MRPS2: variants seen among roughly 807,000 people sequenced by gnomAD.
MRPS2 encodes mitochondrial ribosomal protein S2.
In MRPS2, 13 loss-of-function variants were observed where a neutral mutation model predicts 18.9. The observed-to-expected ratio is 0.69, with a 90% confidence interval of 0.45 to 1.09. The LOEUF is 1.09. Among genes scored for constraint, MRPS2 ranks in the 50% least tolerant of loss-of-function variants. The pLI is 0.00. For missense variants in MRPS2, 389 were observed against 421.7 expected, an observed-to-expected ratio of 0.92 and a Z score of 0.68; for synonymous variants, 186 against 178.4, an observed-to-expected ratio of 1.04 and a Z score of -0.34.
chr9:135,500,207 A>G (rs978976395), upstream of MRPS2: 25 of 326,786 alleles, frequency 7.7e-5, no homozygotes, highest in Non-Finnish European at 1.1e-4. Context: ...GCAGGCAACG[A>G]TTGGACTTTT....
At position 135,501,969 on chromosome 9, in the gene MRPS2, C is replaced by A; in HGVS notation, c.295C>A (p.His99Asn). 6.2e-7 allele frequency: 1 copy of A among 1,613,398 alleles called. No homozygotes were observed. Among genetic ancestry groups the A allele is most frequent in the Non-Finnish European group, 8.5e-7 (1 of 1,179,960 alleles). Residue 99 changes from histidine to asparagine, a missense_variant, in exon 3 of 4, where the codon CAC becomes AAC. By Grantham distance (68) the His-to-Asn change is moderately conservative. Transcript: ENST00000241600. The stretch of plus-strand genomic sequence containing the variant: ...TCTGGGACACAAAGCTGGCTGTCGG[C>A]ACAGGTAGGTGACACCCCCATCTGA... The part of the protein sequence containing the change: ...VHLGHKAGCR[H>N]RFMEPYIFGS...
At chr9:135,501,575 C>A in intron 2 of MRPS2, 1 of 1,131,022 alleles carries the variant, frequency 8.8e-7, no homozygotes, top group Non-Finnish European at 1.1e-6. Flanking sequence ...TTTTTCTCCT[C>A]TGTCTTCCAA....
At position 135,500,718 on chromosome 9, in the gene MRPS2, C is replaced by T; in HGVS notation, c.8C>T (p.Thr3Ile). 2 of 1,479,688 alleles carry T rather than the reference C, an allele frequency of 1.4e-6. No individual in the cohort carries two copies. The highest frequency in any genetic ancestry group is 1.8e-6 in the Non-Finnish European group (2 of 1,121,266). The allele number at this position is 1,479,688 out of a possible 1,614,324, so 91.7% of individuals were successfully genotyped here. A position where few individuals can be genotyped will look rare whatever the true frequency, so the allele number is the denominator to read the frequency against. Reference sequence around the variant, plus strand: ...CTGCCCCGCGTCCCAGCCATGGCGACATCCTCGGCCGCGCTGCCCCGAATA... The same window carrying T: ...CTGCCCCGCGTCCCAGCCATGGCGATATCCTCGGCCGCGCTGCCCCGAATA... MATSSAALPRILG... is the reference protein window; with the variant it reads MAISSAALPRILG... Residue 3 changes from threonine to isoleucine, a missense_variant, in exon 1 of 4, where the codon ACA becomes ATA. Thr to Ile is a moderately conservative substitution (Grantham distance 89, BLOSUM62 -1). Transcript: ENST00000241600.
Position 135,501,990 on chromosome 9 carries a change from T to C in MRPS2, c.299+17T>C. On this transcript the variant is annotated intron_variant, in intron 3 of 3. Transcript: ENST00000241600. ...TCGGCACAGGTAGGTGACACCCCCA[T>C]CTGAGCCCGGGGCGGTTCCCAGGAG... The C allele has an allele frequency of 6.2e-7, 1 of 1,613,010 alleles. No homozygotes were observed. The highest frequency in any genetic ancestry group is 1.3e-5 in the African/African-American group (1 of 75,042).
chr9:135,501,648 C>T lies in MRPS2; in HGVS notation c.170-196C>T, dbSNP rs1307630432. ...GCTTACCCAGGAGCAAGGTCGGGAT[C>T]AGAACCTGGCTCCAGCCCTCTGTTT... On this transcript the variant is annotated intron_variant, in intron 2 of 3. Coordinates refer to ENST00000241600, the MANE Select transcript of MRPS2 (RefSeq NM_016034.5). 2.1e-6 allele frequency: 3 copies of T among 1,402,148 alleles called. No individual in the cohort carries two copies. In the African/African-American group the frequency reaches 4.4e-5, roughly 20 times the overall value. 86.9% of individuals were successfully genotyped at this position (1,402,148 alleles called of 1,614,324 possible).
At chr9:135,502,153 GA>G in intron 3 of MRPS2, 180 bp downstream of exon 3, 2 of 1,406,988 alleles carry the variant, frequency 1.4e-6, no homozygotes, top group Non-Finnish European at 1.9e-6. Context: ...CAGCTTGGCG[GA>G]CGCTCTTGTG....
At chr9:135,501,687 C>G (rs967543425) in intron 2 of MRPS2, 157 bp from the exon 3 acceptor site, 4 of 1,451,428 alleles carry the variant, frequency 2.8e-6, no homozygotes, top group Non-Finnish European at 3.6e-6. Flanking sequence ...GAAAAGGTCC[C>G]TGTGCTTCCA....
Position 135,503,539 on chromosome 9 carries a change from C to G in MRPS2, c.300-3C>G. On this transcript the variant is annotated splice_region_variant and splice_polypyrimidine_tract_variant and intron_variant, in intron 3 of 3. Coordinates refer to ENST00000241600, the MANE Select transcript of MRPS2 (RefSeq NM_016034.5). Reference sequence around the variant, plus strand: ...CCCCTTGCCTTGGTGGGGTCTCTGGCAGGTTTATGGAGCCGTACATCTTTG... The same window carrying G: ...CCCCTTGCCTTGGTGGGGTCTCTGGGAGGTTTATGGAGCCGTACATCTTTG... The G allele has an allele frequency of 1.2e-6, 2 of 1,610,212 alleles. No homozygotes were observed. The highest frequency in any genetic ancestry group is 1.7e-6 in the Non-Finnish European group (2 of 1,177,708).
At position 135,503,769 on chromosome 9, in the gene MRPS2, T is replaced by C. The variant is rs1268307637; in HGVS notation, c.527T>C (p.Leu176Pro). The C allele has an allele frequency of 1.2e-6, 2 of 1,612,904 alleles. No individual in the cohort carries two copies. Among genetic ancestry groups the C allele is most frequent in the Admixed American group, 3.3e-5 (2 of 60,024 alleles). ...AHTRYFRGGM[L>P]TNARLLFGPT... Reference sequence around the variant, plus strand: ...ACTCGCTACTTCAGGGGCGGCATGCTGACCAACGCGCGCCTCCTCTTTGGC... The same window carrying C: ...ACTCGCTACTTCAGGGGCGGCATGCCGACCAACGCGCGCCTCCTCTTTGGC... Residue 176 changes from leucine (L) to proline (P), a missense_variant, in exon 4 of 4, where the codon CTG becomes CCG. Physicochemically the swap from Leu to Pro is moderately conservative, Grantham distance 98. Coordinates refer to ENST00000241600, the MANE Select transcript of MRPS2 (RefSeq NM_016034.5).
rs55725653 is a variant in MRPS2 at position 135,503,248 on chromosome 9, G to A, written c.300-294G>A. On this transcript the variant is annotated intron_variant, in intron 3 of 3. Transcript: ENST00000241600. Reference sequence around the variant, plus strand: ...GCACGGGGCAGAATGTCCTTTTGGCGTCATGTTGGATGTCCACACATCCAT... The same window carrying A: ...GCACGGGGCAGAATGTCCTTTTGGCATCATGTTGGATGTCCACACATCCAT... 5.1e-3 allele frequency: 6,336 copies of A among 1,253,782 alleles called. 224 individuals are homozygous for A. In the African/African-American group the frequency reaches 0.079, roughly 16 times the overall value. 77.7% of individuals were successfully genotyped at this position (1,253,782 alleles called of 1,614,324 possible). A position where few individuals can be genotyped will look rare whatever the true frequency, so the allele number is the denominator to read the frequency against.
At chr9:135,501,557 C>T in intron 2 of MRPS2, 2 of 1,003,364 alleles carry the variant, frequency 2.0e-6, no homozygotes, top group Non-Finnish European at 2.6e-6. Context: ...ACCCGCTGGG[C>T]CCCTCTCTTT....
At chr9:135,503,472 T>C in intron 3 of MRPS2, 70 bp from the exon 4 acceptor site, 3 of 1,494,652 alleles carry the variant, frequency 2.0e-6, no homozygotes, top group Non-Finnish European at 2.7e-6. Flanking sequence ...GCGTCTGTGT[T>C]CCTGCAAGGA....
intron 2 of MRPS2, chr9:135,501,487 G>A (rs1217737748): frequency 3.6e-6 from 3 of 829,848 alleles, no homozygotes; most frequent in Non-Finnish European, 4.8e-6. Context: ...CTCCTGATGG[G>A]GACTTTCTGG....
intron 1 of MRPS2, 40 bp from the exon 2 acceptor site, chr9:135,500,958 T>G: frequency 6.2e-7 from 1 of 1,605,872 alleles, no homozygotes; most frequent in Non-Finnish European, 8.5e-7. Context: ...CGTGGTGCAT[T>G]CGGGACTCGG....
intron 1 of MRPS2, 25 bp downstream of exon 1, chr9:135,500,778 G>A (rs1831092974): frequency 2.7e-6 from 4 of 1,486,252 alleles, no homozygotes; most frequent in South Asian, 2.7e-5. Flanking sequence ...GCGGGACCCT[G>A]GGGAGGAGCA....
rs763195776 is a variant in MRPS2, at chr9:135,503,836, G to C, written c.594G>C (p.Thr198=). The change falls in exon 4 of 4, where the codon ACG becomes ACC. Residue 198 remains threonine (T), a synonymous_variant. Coordinates refer to ENST00000241600, the MANE Select transcript of MRPS2 (RefSeq NM_016034.5). ...CGGACCTCATCATCTTCCTGCACACGCTCAACAACATCTTTGAGCCACACG... is the reference window on the plus strand; with the variant it reads ...CGGACCTCATCATCTTCCTGCACACCCTCAACAACATCTTTGAGCCACACG... The part of the protein sequence containing the change: ...RLPDLIIFLH[T]LNNIFEPHVA... 2 of 1,613,654 alleles carry C rather than the reference G, an allele frequency of 1.2e-6. No individual in the cohort carries two copies. The highest frequency in any genetic ancestry group is 1.1e-5 in the South Asian group (1 of 91,082).
chr9:135,500,072 C>CCCAG, upstream of MRPS2: 1 of 540,416 alleles, frequency 1.9e-6, no homozygotes. Flanking sequence ...GCCCCAGGCC[C>CCCAG]CCAGCCACCC....
At chr9:135,502,206 G>C (rs1214512314) in intron 3 of MRPS2, 1 of 1,345,076 alleles carries the variant, frequency 7.4e-7, no homozygotes, top group African/African-American at 1.5e-5. Flanking sequence ...GGGCAGGCCT[G>C]CTGGGGGTTG....
In MRPS2 at chr9:135,504,065, G is replaced by A; in HGVS notation, c.823G>A (p.Gly275Ser). 6.2e-7 allele frequency: 1 copy of A among 1,612,862 alleles called. No homozygotes were observed. The highest frequency in any genetic ancestry group is 2.2e-5 in the East Asian group (1 of 44,876). Reference protein sequence around the residue: ...QQVEALYRLQGQKEPGDQGPA... With the variant: ...QQVEALYRLQSQKEPGDQGPA... ...GGTTGAGGCTCTCTATCGCCTGCAG[G>A]GCCAGAAGGAGCCCGGGGACCAGGG... Residue 275 changes from glycine to serine, a missense_variant, in exon 4 of 4, where the codon GGC (glycine) becomes AGC (serine). Physicochemically the swap from Gly to Ser is moderately conservative, Grantham distance 56 (BLOSUM62 0). Coordinates refer to ENST00000241600, the MANE Select transcript of MRPS2 (RefSeq NM_016034.5). This position sits in a 1 kb window ranked among gnomAD's most constrained non-coding sequence, Gnocchi z 4.3.
Sources: allele counts gnomAD v4.1 joint callset, GRCh38; gene constraint gnomAD v4.1.1; non-coding constraint Gnocchi (gnomAD v3.1); transcripts MANE v1.5; gene names NCBI Gene and HGNC (gene_info 2026-07-23, HGNC 2026-07-21).